LRIF1: variants seen among roughly 807,000 people sequenced by gnomAD.
LRIF1 encodes the protein ligand dependent nuclear receptor interacting factor 1.
In LRIF1, 32 loss-of-function variants were observed where a neutral mutation model predicts 52.7. The observed-to-expected ratio is 0.61, with a 90% CI of 0.46 to 0.82. The LOEUF (loss-of-function observed/expected upper bound fraction) is 0.82, where lower values mean the gene tolerates loss of function less well. Ranked by LOEUF, LRIF1 falls within the 40% of genes least tolerant of loss-of-function variation. LRIF1 has a pLI of 0.00. For missense variants in LRIF1, 887 were observed against 892.0 expected (o/e 0.99, Z 0.07); for synonymous variants, 323 against 317.4 (o/e 1.02, Z -0.19).
chr1:110,913,009 A>G, the LRIF1 span, among the ~76,000 whole-genome samples: 2 of 152,220 alleles, frequency 1.3e-5, no homozygotes, highest in African/African-American at 4.8e-5. Flanking sequence ...AGAATAGAGA[A>G]TCCAGAAATA....
the LRIF1 span, among the ~76,000 whole-genome samples, chr1:110,875,414 G>A: frequency 6.6e-6 from 1 of 152,290 alleles, no homozygotes; most frequent in South Asian, 2.1e-4. Flanking sequence ...AGGGAGAAGA[G>A]GCAGGTTTTT....
At chr1:110,956,932 T>G (rs1658723649) in intron 1 of LRIF1, among the ~76,000 whole-genome samples, 1 of 152,160 alleles carries the variant, frequency 6.6e-6, no homozygotes, top group Admixed American at 6.5e-5. Flanking sequence ...ACCAAATATG[T>G]TCTCACAGTT....
the LRIF1 span, chr1:110,897,642 C>T: frequency 8.3e-6 from 4 of 479,272 alleles, no homozygotes; most frequent in Non-Finnish European, 1.1e-5. Context: ...TTTAATATTT[C>T]CCACCTTATG....
At chr1:110,902,840 T>C in the LRIF1 span, among the ~76,000 whole-genome samples, 1 of 152,184 alleles carries the variant, frequency 6.6e-6, no homozygotes, top group East Asian at 1.9e-4. Flanking sequence ...TGAGTCCTCA[T>C]AGGACCTGCT....
the LRIF1 span, among the ~76,000 whole-genome samples, chr1:110,928,894 C>A: frequency 6.6e-6 from 1 of 152,170 alleles, no homozygotes; most frequent in African/African-American, 2.4e-5. Context: ...TAGAATTTGC[C>A]ATCTACTTTG....
the LRIF1 span, among the ~76,000 whole-genome samples, chr1:110,906,017 CAT>C: frequency 9.9e-5 from 15 of 151,738 alleles, no homozygotes; most frequent in Admixed American, 5.3e-4. Flanking sequence ...CATGCAAAAA[CAT>C]ATGATGGATG....
chr1:110,948,697 A>C (rs1450226737), intron 3 of LRIF1, among the ~76,000 whole-genome samples: 1 of 152,212 alleles, frequency 6.6e-6, no homozygotes, highest in Admixed American at 6.5e-5. Flanking sequence ...CCTGAGATAT[A>C]AAATTGATTG....
the LRIF1 span, among the ~76,000 whole-genome samples, chr1:110,916,491 AAAGT>A: frequency 1.3e-5 from 2 of 152,302 alleles, no homozygotes; most frequent in Middle Eastern, 3.4e-3. Flanking sequence ...TAATTCGGTC[AAAGT>A]AATATAAAAT....
the LRIF1 span, among the ~76,000 whole-genome samples, chr1:110,913,382 T>A: frequency 2.0e-5 from 3 of 152,018 alleles, no homozygotes; most frequent in Admixed American, 6.5e-5. Context: ...ATCTACAGAA[T>A]GAGAGAAAAC....
At chr1:110,901,728 G>A in the LRIF1 span, among the ~76,000 whole-genome samples, 2 of 152,170 alleles carry the variant, frequency 1.3e-5, no homozygotes, top group East Asian at 3.9e-4. Context: ...CACCTGCCTT[G>A]GCCTCCCAAA....
intron 3 of LRIF1, among the ~76,000 whole-genome samples, chr1:110,949,145 G>A (rs952907270): frequency 1.3e-5 from 2 of 151,848 alleles, no homozygotes; most frequent in African/African-American, 4.8e-5. Context: ...TTGAGACAGA[G>A]TTTCGTTCTG....
chr1:110,877,909 G>A, the LRIF1 span, among the ~76,000 whole-genome samples: 2 of 152,184 alleles, frequency 1.3e-5, no homozygotes, highest in East Asian at 3.8e-4. Flanking sequence ...GCTCACAGGA[G>A]TTCAAACGAG....
chr1:110,886,846 A>AATATATATATATATATATATATATAT, the LRIF1 span, among the ~76,000 whole-genome samples: 1 of 101,010 alleles, frequency 9.9e-6, no homozygotes, highest in East Asian at 2.7e-4. Context: ...CTCTGTCTCC[A>AATATATATATATATATATATATATAT]ATATATATAT....
At chr1:110,886,846 A>AAGATAT in the LRIF1 span, among the ~76,000 whole-genome samples, 71 of 100,992 alleles carry the variant, frequency 7.0e-4, 4 homozygotes, top group Middle Eastern at 0.012. Flanking sequence ...CTCTGTCTCC[A>AAGATAT]ATATATATAT....
intron 1 of LRIF1, among the ~76,000 whole-genome samples, chr1:110,959,636 G>A (rs1231488836): frequency 1.3e-5 from 2 of 150,622 alleles, no homozygotes; most frequent in African/African-American, 2.4e-5. Flanking sequence ...TGTAGTCCCA[G>A]CTACTTGGGA....
At chr1:110,949,423 C>CT (rs1006521534) in intron 3 of LRIF1, among the ~76,000 whole-genome samples, 1,711 of 131,190 alleles carry the variant, frequency 0.013, 26 homozygotes, top group African/African-American at 0.038. Flanking sequence ...TGGCCTGGTT[C>CT]TTTTTTTTTT....
chr1:110,943,242 C>T (rs781178101), downstream of LRIF1, among the ~76,000 whole-genome samples: 1 of 152,016 alleles, frequency 6.6e-6, no homozygotes, highest in Non-Finnish European at 1.5e-5. Flanking sequence ...AATGCTCTTG[C>T]AGAAAAGATA....
chr1:110,894,022 T>C, the LRIF1 span, among the ~76,000 whole-genome samples: 2 of 152,180 alleles, frequency 1.3e-5, no homozygotes, highest in African/African-American at 2.4e-5. Context: ...ACTGCTTCAA[T>C]AGGCAGATGT....
At chr1:110,939,563 G>T in the LRIF1 span, 1 of 151,954 alleles carries the variant, frequency 6.6e-6, no homozygotes, top group Non-Finnish European at 1.5e-5. Context: ...AAAACTGGAG[G>T]AATCATATTA....
Sources: gnomAD v4.1 joint callset for allele counts (sites outside exome capture counted in the v4.1 genomes callset) on GRCh38, gnomAD v4.1.1 for gene constraint, MANE v1.5 for transcripts, NCBI Gene and HGNC (gene_info 2026-07-23, HGNC 2026-07-21) for gene names.